GABRG3: variants seen among roughly 807,000 people sequenced by gnomAD.
GABRG3 encodes the protein gamma-aminobutyric acid receptor subunit gamma-3.
A neutral mutation model predicts 48.8 loss-of-function variants in GABRG3; 25 were observed. That is an observed-to-expected ratio of 0.51 (90% CI 0.37 to 0.72). GABRG3 has a LOEUF of 0.72. Among genes scored for constraint, GABRG3 ranks in the 30% least tolerant of loss-of-function variants. The pLI, the probability that GABRG3 is intolerant of heterozygous loss-of-function variation, is 0.00. For synonymous variants in GABRG3, 227 were observed against 217.6 expected, an observed-to-expected ratio of 1.04 and a Z score of -0.38; for missense variants, 394 against 577.9, an observed-to-expected ratio of 0.68 and a Z score of 3.26.
chr15:27,150,358 G>A (rs1898287824), intron 3 of GABRG3, among the ~76,000 whole-genome samples: 1 of 152,106 alleles, frequency 6.6e-6, no homozygotes. Flanking sequence ...TTACAACCAA[G>A]TATTACTTTA....
intron 5 of GABRG3, among the ~76,000 whole-genome samples, chr15:27,329,258 T>A (rs974157993): frequency 5.9e-5 from 9 of 152,198 alleles, no homozygotes; most frequent in Admixed American, 2.6e-4. Flanking sequence ...AATTTATTTT[T>A]AATTTTTATT....
chr15:27,354,410 T>C (rs1370946658), intron 5 of GABRG3, among the ~76,000 whole-genome samples: 1 of 152,172 alleles, frequency 6.6e-6, no homozygotes, highest in African/African-American at 2.4e-5. Flanking sequence ...ATTCTGACTA[T>C]GCTTAATGGA....
chr15:27,057,249 G>C (rs1896564530), intron 3 of GABRG3, among the ~76,000 whole-genome samples: 1 of 152,022 alleles, frequency 6.6e-6, no homozygotes, highest in African/African-American at 2.4e-5. Context: ...GCCCATTGTG[G>C]CTGACAACTT....
chr15:27,191,260 T>G (rs1888291409), intron 3 of GABRG3, among the ~76,000 whole-genome samples: 1 of 152,170 alleles, frequency 6.6e-6, no homozygotes, highest in Admixed American at 6.5e-5. Flanking sequence ...CAGAGCTGAG[T>G]TGAATTCCTG....
chr15:27,185,770 A>G (rs980859800), intron 3 of GABRG3, among the ~76,000 whole-genome samples: 5 of 151,352 alleles, frequency 3.3e-5, no homozygotes, highest in Non-Finnish European at 5.9e-5. Flanking sequence ...TAATCTTTTT[A>G]TCATTATTTA....
intron 3 of GABRG3, among the ~76,000 whole-genome samples, chr15:27,095,436 TCA>T (rs1430577063): frequency 6.6e-6 from 1 of 152,168 alleles, no homozygotes; most frequent in Non-Finnish European, 1.5e-5. Context: ...CGCTTTCTCA[TCA>T]CAGTGATTTC....
intron 5 of GABRG3, among the ~76,000 whole-genome samples, chr15:27,408,626 G>A (rs562317075): frequency 2.0e-5 from 3 of 152,312 alleles, no homozygotes; most frequent in Non-Finnish European, 2.9e-5. Flanking sequence ...GGTCTGCCAT[G>A]TTTTGGAATT....
chr15:27,347,840 A>C (rs1894426344), intron 5 of GABRG3, among the ~76,000 whole-genome samples: 1 of 152,140 alleles, frequency 6.6e-6, no homozygotes, highest in Non-Finnish European at 1.5e-5. Context: ...TGCTCCAGGT[A>C]AACAGATACC....
rs568087445 is a variant in GABRG3, at chr15:27,149,716, C to T, written c.270+122895C>T. Among the ~76,000 whole-genome samples the T allele has an allele frequency of 3.6e-4, 55 of 152,246 alleles. 2 individuals carry two copies. The highest frequency in any genetic ancestry group is 6.8e-3 in the Middle Eastern group (2 of 294). On this transcript the variant is annotated intron_variant, in intron 3 of 9. Coordinates refer to ENST00000615808, the MANE Select transcript of GABRG3 (RefSeq NM_033223.5). ...GGTTGTATCACATCTCAGATTCTCT[C>T]GTAGAACCTCCGGAAGGAGCACAAT...
intron 9 of GABRG3, among the ~76,000 whole-genome samples, chr15:27,528,979 T>G (rs192173603): frequency 7.1e-4 from 108 of 152,332 alleles, no homozygotes; most frequent in African/African-American, 2.5e-3. Flanking sequence ...GTGTATTATT[T>G]TGTTTCATGT....
chr15:27,410,749 T>C (rs1026181647), intron 5 of GABRG3, among the ~76,000 whole-genome samples: 1 of 152,134 alleles, frequency 6.6e-6, no homozygotes, highest in African/African-American at 2.4e-5. Context: ...CAAAGCCATT[T>C]TTGCTGACTG....
At chr15:27,001,582 C>T (rs1197638261) in intron 2 of GABRG3, among the ~76,000 whole-genome samples, 2 of 152,224 alleles carry the variant, frequency 1.3e-5, no homozygotes, top group African/African-American at 2.4e-5. Flanking sequence ...GGAGGACTTA[C>T]TTGCTTTAGC....
chr15:27,245,818 C>T (rs1326057348), intron 3 of GABRG3, among the ~76,000 whole-genome samples: 1 of 152,126 alleles, frequency 6.6e-6, no homozygotes, highest in Non-Finnish European at 1.5e-5. Flanking sequence ...GGTTGCAGTG[C>T]ACTCCAGCCT....
chr15:27,245,670 G>A (rs1439484410), intron 3 of GABRG3, among the ~76,000 whole-genome samples: 3 of 151,564 alleles, frequency 2.0e-5, no homozygotes, highest in African/African-American at 4.9e-5. Flanking sequence ...TCAGGAGTTC[G>A]AAACCAGCCT....
rs573234632 is a variant in GABRG3 at position 27,486,748 on chromosome 15, C to T, written c.712+5961C>T. Among the ~76,000 whole-genome samples the T allele has an allele frequency of 5.9e-5, 9 of 152,256 alleles. No individual in the cohort carries two copies. The East Asian group carries it at 1.7e-3, about 29-fold the overall frequency. On this transcript the variant is annotated intron_variant, in intron 6 of 9. Coordinates refer to ENST00000615808, the MANE Select transcript of GABRG3 (RefSeq NM_033223.5). ...TATTGTGAATTTAGGTGAATCAACA[C>T]ATGCCAAGTACATAATTGCAATATA... is the stretch of plus-strand genomic sequence containing the variant.
chr15:27,004,309 G>A (rs1243178553), intron 2 of GABRG3, among the ~76,000 whole-genome samples: 3 of 151,956 alleles, frequency 2.0e-5, no homozygotes, highest in East Asian at 2.0e-4. Context: ...CATCCCAGAC[G>A]GGGTGGCGGG....
chr15:27,309,425 A>T (rs1892921323), intron 3 of GABRG3, among the ~76,000 whole-genome samples: 1 of 151,944 alleles, frequency 6.6e-6, no homozygotes, highest in African/African-American at 2.4e-5. Flanking sequence ...AGCCTATGCA[A>T]ATCAGTTTTG....
intron 5 of GABRG3, among the ~76,000 whole-genome samples, chr15:27,399,969 C>G (rs1413461837): frequency 6.6e-6 from 1 of 152,166 alleles, no homozygotes; most frequent in African/African-American, 2.4e-5. Context: ...AAATATCAGT[C>G]TATGTGGGTG....
intron 3 of GABRG3, among the ~76,000 whole-genome samples, chr15:27,199,471 C>T (rs1888611753): frequency 6.6e-6 from 1 of 152,128 alleles, no homozygotes; most frequent in Non-Finnish European, 1.5e-5. Flanking sequence ...TTCCAAATCT[C>T]ATGCTGAATG....
Sources: gnomAD v4.1 joint callset for allele counts (sites outside exome capture counted in the v4.1 genomes callset) on GRCh38, gnomAD v4.1.1 for gene constraint, MANE v1.5 for transcripts, NCBI Gene and HGNC (gene_info 2026-07-23, HGNC 2026-07-21) for gene names.